SGCD: variants seen among roughly 807,000 people sequenced by gnomAD.
SGCD encodes the protein delta-sarcoglycan.
A neutral mutation model predicts 36.6 loss-of-function variants in SGCD; 18 were observed. The observed-to-expected ratio is 0.49, with a 90% CI of 0.34 to 0.73. The LOEUF is 0.73. Ranked by LOEUF, SGCD falls within the 30% of genes least tolerant of loss-of-function variation. SGCD has a pLI of 0.01. For missense variants in SGCD, 387 were observed against 346.7 expected, an observed-to-expected ratio of 1.12 and a Z score of -0.92; for synonymous variants, 133 against 130.6, an observed-to-expected ratio of 1.02 and a Z score of -0.12.
At chr5:156,298,585 T>C (rs1413358083) in intron 3 of SGCD, among the ~76,000 whole-genome samples, 4 of 146,784 alleles carry the variant, frequency 2.7e-5, no homozygotes, top group Non-Finnish European at 4.5e-5. Flanking sequence ...TCTTTTTTTT[T>C]TTTTTTTTTT....
intron 1 of SGCD, among the ~76,000 whole-genome samples, chr5:155,996,908 G>GAT (rs1758563851): frequency 6.6e-6 from 1 of 151,254 alleles, no homozygotes; most frequent in Non-Finnish European, 1.5e-5. Flanking sequence ...TAGATAGATA[G>GAT]ACAGACAGAC....
At chr5:156,260,220 C>G (rs1250530043) in intron 3 of SGCD, among the ~76,000 whole-genome samples, 1 of 152,126 alleles carries the variant, frequency 6.6e-6, no homozygotes, top group Admixed American at 6.6e-5. Context: ...TTTAAAAAGA[C>G]TAGCCATTCA....
At chr5:156,598,478 G>A (rs1000308911) in intron 6 of SGCD, among the ~76,000 whole-genome samples, 3 of 152,200 alleles carry the variant, frequency 2.0e-5, no homozygotes. Context: ...GGTGGTGGAG[G>A]TTGCAGAGAG....
chr5:156,092,669 G>A (rs1761273904), intron 1 of SGCD, among the ~76,000 whole-genome samples: 1 of 152,204 alleles, frequency 6.6e-6, no homozygotes. Flanking sequence ...GGGTGAGTGA[G>A]TAGTATTTGT....
At chr5:156,333,683 T>C (rs1182052870) in intron 2 of SGCD, among the ~76,000 whole-genome samples, 1 of 151,668 alleles carries the variant, frequency 6.6e-6, no homozygotes, top group East Asian at 1.9e-4. Flanking sequence ...ACTAATTATA[T>C]GTCTGTGAGG....
At chr5:156,263,322 G>A (rs1385632348) in intron 3 of SGCD, among the ~76,000 whole-genome samples, 1 of 151,954 alleles carries the variant, frequency 6.6e-6, no homozygotes, top group Non-Finnish European at 1.5e-5. Flanking sequence ...ATCTCATTGT[G>A]GTTTTGATTT....
intron 7 of SGCD, among the ~76,000 whole-genome samples, chr5:156,707,256 A>G (rs543756992): frequency 2.0e-5 from 3 of 152,172 alleles, no homozygotes; most frequent in African/African-American, 7.2e-5. Context: ...ATTTTAGTAC[A>G]TATTAGAAAT....
rs1769659383 is a variant in SGCD, at chr5:156,359,393, C to T, written c.192+14716C>T. Reference sequence around the variant, plus strand: ...AGCTTATTCTGTGCCAGGTGTGATACTGAGCACTTAACATAGAACATATTA... The same window carrying T: ...AGCTTATTCTGTGCCAGGTGTGATATTGAGCACTTAACATAGAACATATTA... On this transcript the variant is annotated intron_variant, in intron 3 of 8. Coordinates refer to ENST00000337851, the MANE Select transcript of SGCD (RefSeq NM_000337.6). 3.9e-5 allele frequency among the ~76,000 whole-genome samples: 6 copies of T among 152,162 alleles called. No individual in the cohort carries two copies. The South Asian group carries it at 1.2e-3, about 32-fold the overall frequency.
chr5:156,137,761 A>G (rs959134973), intron 3 of SGCD, among the ~76,000 whole-genome samples: 1 of 152,148 alleles, frequency 6.6e-6, no homozygotes, highest in Non-Finnish European at 1.5e-5. Context: ...CGGCAGCATT[A>G]CTGGTTCAGT....
chr5:156,589,098 G>A, intron 4 of SGCD, 133 bp from the exon 5 acceptor site: 1 of 557,292 alleles, frequency 1.8e-6, no homozygotes, highest in South Asian at 2.1e-5. Flanking sequence ...TTAAACATTT[G>A]GAGTTTTTGA....
At chr5:156,162,389 G>A (rs1763106216) in intron 3 of SGCD, among the ~76,000 whole-genome samples, 1 of 151,452 alleles carries the variant, frequency 6.6e-6, no homozygotes, top group South Asian at 2.1e-4. Flanking sequence ...GGTAGCCAGA[G>A]ACCCCTTTTG....
At chr5:156,671,129 G>C (rs1376595687) in intron 7 of SGCD, among the ~76,000 whole-genome samples, 1 of 146,328 alleles carries the variant, frequency 6.8e-6, no homozygotes, top group Non-Finnish European at 1.5e-5. Context: ...TTTTCTTTTT[G>C]AGTCTATTAA....
intron 3 of SGCD, among the ~76,000 whole-genome samples, chr5:156,169,826 T>C (rs1262591711): frequency 1.3e-5 from 2 of 151,872 alleles, no homozygotes; most frequent in African/African-American, 4.8e-5. Context: ...CTAGTGTGGT[T>C]GGAACTCAAT....
Position 156,289,572 on chromosome 5 carries a change from GCTT to G in SGCD, c.-43-39955_-43-39953del, listed in dbSNP as rs1165051547. 4.0e-5 allele frequency among the ~76,000 whole-genome samples: 6 copies of G among 151,218 alleles called. No homozygotes were observed. The South Asian group carries it at 8.4e-4, about 21-fold the overall frequency. On this transcript the variant is annotated intron_variant, in intron 3 of 9. Coordinates refer to the SGCD transcript ENST00000517913. Reference sequence around the variant, plus strand: ...AACATCCAAGCAACCTCTTTCTATTGCTTCTTCTTTTTTTTATTTTTTTATTTT... The same window carrying G: ...AACATCCAAGCAACCTCTTTCTATTGCTTCTTTTTTTTATTTTTTTATTTT...
chr5:156,381,087 C>A (rs1770950274), intron 3 of SGCD, among the ~76,000 whole-genome samples: 2 of 152,106 alleles, frequency 1.3e-5, no homozygotes, highest in African/African-American at 4.8e-5. Context: ...ACAAAAACAT[C>A]TCAGGAAGAA....
At chr5:155,866,060 G>C (rs942101355), upstream of SGCD, among the ~76,000 whole-genome samples, 22 of 152,106 alleles carry the variant, frequency 1.4e-4, no homozygotes, top group Non-Finnish European at 2.8e-4. Context: ...AGTTTTTCTT[G>C]AGGCGGCTGT....
chr5:156,333,743 G>A (rs376232827), intron 2 of SGCD, among the ~76,000 whole-genome samples: 5 of 99,400 alleles, frequency 5.0e-5, no homozygotes, highest in African/African-American at 2.0e-4. Flanking sequence ...TTATACAAGT[G>A]TTTGTCATTT....
intron 3 of SGCD, among the ~76,000 whole-genome samples, chr5:156,392,153 C>T (rs1191552954): frequency 1.3e-5 from 2 of 152,178 alleles, no homozygotes; most frequent in Non-Finnish European, 2.9e-5. Context: ...ATTACATTAT[C>T]ATCTCAGTAT....
intron 1 of SGCD, among the ~76,000 whole-genome samples, chr5:156,027,945 T>C (rs151289672): frequency 8.7e-4 from 133 of 152,276 alleles, no homozygotes; most frequent in African/African-American, 3.1e-3. Context: ...TGTATACTCA[T>C]ATGGCAGAAG....
Sources: allele counts gnomAD v4.1 joint callset (sites outside exome capture counted in the v4.1 genomes callset), GRCh38; gene constraint gnomAD v4.1.1; transcripts MANE v1.5; gene names NCBI Gene and HGNC (gene_info 2026-07-23, HGNC 2026-07-21).